The following ZNF652 variants were observed in gnomAD, a reference collection of about 807,000 sequenced individuals.
ZNF652 encodes the protein zinc finger protein 652.
ZNF652 carries 16 observed loss-of-function variants against 45.2 expected under a neutral mutation model. That is an observed-to-expected ratio of 0.35 (90% CI 0.24 to 0.54). ZNF652 has a LOEUF of 0.54. ZNF652 is among the 20% of genes least tolerant of loss of function. ZNF652 has a pLI of 0.91. For missense variants in ZNF652, 614 were observed against 765.6 expected, an observed-to-expected ratio of 0.80 and a Z score of 2.34; for synonymous variants, 250 against 260.6, an observed-to-expected ratio of 0.96 and a Z score of 0.39.
intron 1 of ZNF652, among the ~76,000 whole-genome samples, chr17:49,347,874 A>G (rs2070223490): frequency 6.6e-6 from 1 of 151,168 alleles, no homozygotes; most frequent in Non-Finnish European, 1.5e-5. Flanking sequence ...CTTCCCAAAT[A>G]GCTGGGACTA....
At chr17:49,358,857 TGAA>T (rs1487534894) in intron 1 of ZNF652, among the ~76,000 whole-genome samples, 1 of 152,170 alleles carries the variant, frequency 6.6e-6, no homozygotes, top group Non-Finnish European at 1.5e-5. Flanking sequence ...GAAGGGTGTC[TGAA>T]GAAGAGTGTT....
intron 1 of ZNF652, among the ~76,000 whole-genome samples, chr17:49,346,589 T>C (rs1410097049): frequency 1.3e-5 from 2 of 152,200 alleles, no homozygotes; most frequent in African/African-American, 4.8e-5. Context: ...TAGGGCCACA[T>C]GTTTGTAAAA....
At chr17:49,309,533 CA>C (rs2069680478) in intron 5 of ZNF652, among the ~76,000 whole-genome samples, 1 of 150,026 alleles carries the variant, frequency 6.7e-6, no homozygotes, top group Non-Finnish European at 1.5e-5. Context: ...GAAAGAAAAC[CA>C]AAAAACCCCC....
At chr17:49,353,344 G>T (rs1018221272) in intron 1 of ZNF652, among the ~76,000 whole-genome samples, 1 of 151,890 alleles carries the variant, frequency 6.6e-6, no homozygotes, top group East Asian at 1.9e-4. Flanking sequence ...CTAATTTTTT[G>T]ATTTTTTGTA....
intron 1 of ZNF652, among the ~76,000 whole-genome samples, chr17:49,361,638 C>CA (rs1902053963): frequency 6.6e-6 from 1 of 152,064 alleles, no homozygotes; most frequent in African/African-American, 2.4e-5. Flanking sequence ...GGACCCGCTG[C>CA]AAAACTGCAG....
Position 49,307,119 on chromosome 17 carries a change from CTAAA to C in ZNF652, c.1309+4189_1309+4192del, listed in dbSNP as rs372874380. The stretch of plus-strand genomic sequence containing the variant: ...ACATAAATGTCTAGCAGGGAACTGG[CTAAA>C]TAAATGGAGAAAACATCCTTCACTG... On this transcript the variant is annotated intron_variant, in intron 5 of 5. Coordinates refer to ENST00000430262, the MANE Select transcript of ZNF652 (RefSeq NM_001145365.3). Among the ~76,000 whole-genome samples the C allele has an allele frequency of 2.2e-4, 33 of 152,072 alleles. 1 individual carries two copies. The highest frequency in any genetic ancestry group is 7.5e-4 in the African/African-American group (31 of 41,504).
Position 49,291,885 on chromosome 17 carries a change from C to T in ZNF652, c.*6528G>A, listed in dbSNP as rs1256217467. On this transcript the variant is annotated 3_prime_UTR_variant, in exon 6 of 6. Coordinates refer to ENST00000430262, the MANE Select transcript of ZNF652 (RefSeq NM_001145365.3). ...TACCTTTTTCATTTTGTAAACTCAC[C>T]TTCCCATCCCAAATAGCAGTGAAGC... Among the ~76,000 whole-genome samples the T allele has an allele frequency of 6.6e-6, 1 of 152,142 alleles. No homozygotes were observed. The highest frequency in any genetic ancestry group is 2.4e-5 in the African/African-American group (1 of 41,420).
rs75360366 is a variant in ZNF652, at chr17:49,318,771, G to A, written c.-258-788C>T. On this transcript the variant is annotated intron_variant, in intron 1 of 5. Transcript: ENST00000430262. ...ACCATGTCCATCACAGTGAGAGCTC[G>A]CAGAACAAAGGGGGTAGTGGGGCAG... 2.9e-3 allele frequency among the ~76,000 whole-genome samples: 435 copies of A among 152,276 alleles called. 2 individuals carry two copies. The highest frequency in any genetic ancestry group is 0.01 in the African/African-American group (417 of 41,552).
Position 49,290,404 on chromosome 17 carries a change from A to G in ZNF652, c.*8009T>C, listed in dbSNP as rs1481639788. 6.6e-6 allele frequency: 1 copy of G among 152,254 alleles called. No individual in the cohort carries two copies. Among genetic ancestry groups the G allele is most frequent in the Non-Finnish European group, 1.5e-5 (1 of 68,076 alleles). The allele number at this position is 152,254 out of a possible 1,614,324, so 9.4% of individuals were successfully genotyped here. A position where few individuals can be genotyped will look rare whatever the true frequency, so the allele number is the denominator to read the frequency against. ...CAGAGAGGGAGCACACACAGTTTCT[A>G]ACCTGGAGTGCCCGTTGCACTGGTC... On this transcript the variant is annotated 3_prime_UTR_variant, in exon 6 of 6. Transcript: ENST00000430262.
rs1302867849 is a variant in ZNF652, at chr17:49,361,990, G to C, written c.-340C>G. On this transcript the variant is annotated 5_prime_UTR_variant, in exon 1 of 6. Coordinates refer to ENST00000430262, the MANE Select transcript of ZNF652 (RefSeq NM_001145365.3). ...TGCGGCGGGGGCCTGCAGCCGCGGC[G>C]CTCGAGTCACAACCGCCGGCTGGGC... 1.3e-5 allele frequency: 2 copies of C among 149,600 alleles called. No homozygotes were observed. The highest frequency in any genetic ancestry group is 3.9e-4 in the East Asian group (2 of 5,072). 9.3% of individuals were successfully genotyped at this position (149,600 alleles called of 1,614,324 possible). A position where few individuals can be genotyped will look rare whatever the true frequency, so the allele number is the denominator to read the frequency against.
chr17:49,317,011 A>C lies in ZNF652; in HGVS notation c.715T>G (p.Cys239Gly), dbSNP rs750503580. Residue 239 changes from cysteine (C) to glycine (G), a missense_variant, in exon 2 of 6, where the codon TGT becomes GGT. Transcript: ENST00000430262. ...EPKAPVQKAK[C>G]EEKETLTCEK... The stretch of plus-strand genomic sequence containing the variant: ...CAGGTCAGAGTCTCTTTCTCTTCAC[A>C]CTTAGCTTTCTGGACTGGTGCTTTG... 1.2e-6 allele frequency: 2 copies of C among 1,613,820 alleles called. No individual in the cohort carries two copies.
chr17:49,354,311 A>G (rs1345904424), intron 1 of ZNF652, among the ~76,000 whole-genome samples: 3 of 152,156 alleles, frequency 2.0e-5, no homozygotes, highest in Non-Finnish European at 4.4e-5. Context: ...AGAGGGGAAA[A>G]GGTAAAAATG....
In ZNF652 at chr17:49,298,346, C is replaced by T. The variant is rs537472151; in HGVS notation, c.*67G>A. 8.2e-6 allele frequency: 13 copies of T among 1,581,630 alleles called. No individual in the cohort carries two copies. Among genetic ancestry groups the T allele is most frequent in the Middle Eastern group, 4.6e-4 (2 of 4,316 alleles). On this transcript the variant is annotated 3_prime_UTR_variant, in exon 6 of 6. Transcript: ENST00000430262. The stretch of plus-strand genomic sequence containing the variant: ...GTCTGAGAACTAAGGAAATGCTCAC[C>T]GACTCCCTCTGTGCACGCTCACACA...
rs995179889 is a variant in ZNF652, at chr17:49,293,022, C to T, written c.*5391G>A. Among the ~76,000 whole-genome samples, 3 of 152,156 alleles carry T rather than the reference C, an allele frequency of 2.0e-5. No homozygotes were observed. The highest frequency in any genetic ancestry group is 4.4e-5 in the Non-Finnish European group (3 of 68,012). On this transcript the variant is annotated 3_prime_UTR_variant, in exon 6 of 6. Coordinates refer to ENST00000430262, the MANE Select transcript of ZNF652 (RefSeq NM_001145365.3). ...GCACTCAAAAACAGAGTGAGAGAGA[C>T]TGAAGCTGCAGTGACATCAGAGGAT...
intron 1 of ZNF652, among the ~76,000 whole-genome samples, chr17:49,340,153 G>A (rs534235339): frequency 2.2e-4 from 34 of 152,268 alleles, no homozygotes; most frequent in Admixed American, 1.7e-3. Flanking sequence ...AGTGAATCAC[G>A]CCTGTAATCC....
Position 49,314,901 on chromosome 17 carries a change from A to C in ZNF652, c.900+1925T>G, listed in dbSNP as rs528116164. On this transcript the variant is annotated intron_variant, in intron 2 of 5. Coordinates refer to ENST00000430262, the MANE Select transcript of ZNF652 (RefSeq NM_001145365.3). ...TTTTGTTTTGTTTTTAGACAGTCTC[A>C]CTCTGTTGCTCAAGCTGGAATGCAG... 2.0e-4 allele frequency among the ~76,000 whole-genome samples: 31 copies of C among 152,026 alleles called. No homozygotes were observed. The South Asian group carries it at 6.4e-3, about 32-fold the overall frequency.
At chr17:49,358,771 G>C (rs1047035065) in intron 1 of ZNF652, among the ~76,000 whole-genome samples, 3 of 152,190 alleles carry the variant, frequency 2.0e-5, no homozygotes, top group Admixed American at 6.5e-5. Context: ...TCACGAATCA[G>C]ATCTTGAGAC....
intron 1 of ZNF652, among the ~76,000 whole-genome samples, chr17:49,343,657 C>G (rs924498572): frequency 1.4e-5 from 2 of 143,400 alleles, no homozygotes; most frequent in African/African-American, 5.1e-5. Flanking sequence ...AAAAAAATAA[C>G]TTTTTTTTTT....
intron 1 of ZNF652, among the ~76,000 whole-genome samples, chr17:49,338,027 G>A (rs1208381872): frequency 1.3e-5 from 2 of 152,080 alleles, no homozygotes; most frequent in Middle Eastern, 3.4e-3. Flanking sequence ...TCACTCCAAC[G>A]CTCAGGCTGG....
Sources: gnomAD v4.1 joint callset for allele counts (sites outside exome capture counted in the v4.1 genomes callset) on GRCh38, gnomAD v4.1.1 for gene constraint, MANE v1.5 for transcripts, NCBI Gene and HGNC (gene_info 2026-07-23, HGNC 2026-07-21) for gene names.